ZMYM2: variants seen among roughly 807,000 people sequenced by gnomAD.
The protein encoded by ZMYM2 is zinc finger MYM-type containing 2, also known as zinc finger MYM-type protein 2.
A neutral mutation model predicts 162.8 loss-of-function variants in ZMYM2; 56 were observed. That is an observed-to-expected ratio of 0.34 (90% confidence interval 0.28 to 0.43). The LOEUF is 0.43. Ranked by LOEUF, ZMYM2 falls within the 20% of genes least tolerant of loss-of-function variation. The pLI, the probability that ZMYM2 is intolerant of heterozygous loss-of-function variation, is 1.00. For synonymous variants in ZMYM2, 510 were observed against 541.6 expected, an observed-to-expected ratio of 0.94 and a Z score of 0.81; for missense variants, 1,275 against 1,621.8, an observed-to-expected ratio of 0.79 and a Z score of 3.67.
chr13:19,883,409 T>C, the ZMYM2 span, among the ~76,000 whole-genome samples: 2 of 152,206 alleles, frequency 1.3e-5, no homozygotes. Flanking sequence ...AATTTCACCT[T>C]AATTTTTTTA....
chr13:20,059,422 C>T (rs922291183), intron 15 of ZMYM2, 25 bp from the exon 16 acceptor site: 5 of 1,611,062 alleles, frequency 3.1e-6, no homozygotes, highest in East Asian at 2.2e-5. Flanking sequence ...TAACATTGCT[C>T]CTTAAATATG....
At chr13:19,979,397 G>T (rs1446170026) in intron 2 of ZMYM2, among the ~76,000 whole-genome samples, 2 of 150,562 alleles carry the variant, frequency 1.3e-5, no homozygotes, top group African/African-American at 4.9e-5. Context: ...ACTTGTTGAG[G>T]GATAGAGCTG....
At chr13:19,976,261 G>A (rs1956777971) in intron 2 of ZMYM2, among the ~76,000 whole-genome samples, 1 of 151,602 alleles carries the variant, frequency 6.6e-6, no homozygotes, top group Non-Finnish European at 1.5e-5. Context: ...CTGGGAGGCA[G>A]AGGTTGCAGT....
chr13:19,891,647 A>G, the ZMYM2 span, among the ~76,000 whole-genome samples: 2 of 150,444 alleles, frequency 1.3e-5, no homozygotes, highest in African/African-American at 4.9e-5. Flanking sequence ...GCATGGTGGC[A>G]TGTACCTGTA....
chr13:19,888,177 C>G, the ZMYM2 span, among the ~76,000 whole-genome samples: 1 of 151,694 alleles, frequency 6.6e-6, no homozygotes, highest in Non-Finnish European at 1.5e-5. Context: ...TCGCGCCTGG[C>G]TAAATTATAG....
chr13:19,884,071 C>A, the ZMYM2 span, among the ~76,000 whole-genome samples: 15 of 152,260 alleles, frequency 9.9e-5, no homozygotes, highest in Non-Finnish European at 2.2e-4. Flanking sequence ...ATATAAAATT[C>A]TTTAAAAGTT....
At chr13:19,885,780 G>C in the ZMYM2 span, among the ~76,000 whole-genome samples, 36 of 150,608 alleles carry the variant, frequency 2.4e-4, 1 homozygote, top group African/African-American at 8.8e-4. Flanking sequence ...CCAGGAGGCA[G>C]AGGTTGCAGT....
upstream of ZMYM2, among the ~76,000 whole-genome samples, chr13:19,957,943 AT>A (rs925279313): frequency 8.5e-5 from 13 of 152,308 alleles, no homozygotes; most frequent in Middle Eastern, 6.8e-3. Flanking sequence ...CCTTGGCCGA[AT>A]GGCAGAGTCC....
chr13:19,924,032 ATCTC>A, the ZMYM2 span, among the ~76,000 whole-genome samples: 1 of 151,408 alleles, frequency 6.6e-6, no homozygotes, highest in South Asian at 2.1e-4. Flanking sequence ...GACCTTAATC[ATCTC>A]TCTCTCTCTC....
intron 2 of ZMYM2, among the ~76,000 whole-genome samples, chr13:19,970,388 C>T (rs1956193603): frequency 6.6e-6 from 1 of 151,900 alleles, no homozygotes; most frequent in Non-Finnish European, 1.5e-5. Flanking sequence ...TGTAATTACG[C>T]AGATGAATAT....
chr13:19,906,375 A>G, the ZMYM2 span, among the ~76,000 whole-genome samples: 14 of 141,598 alleles, frequency 9.9e-5, no homozygotes, highest in African/African-American at 2.1e-4. Context: ...GTATATATAT[A>G]TGTGTATATA....
At chr13:19,953,458 G>A in the ZMYM2 span, among the ~76,000 whole-genome samples, 6 of 152,094 alleles carry the variant, frequency 3.9e-5, no homozygotes, top group Non-Finnish European at 8.8e-5. Context: ...GCTGAGGCGG[G>A]TGGATCACGA....
chr13:20,070,021 A>T (rs1292710983), intron 21 of ZMYM2, among the ~76,000 whole-genome samples: 1 of 151,980 alleles, frequency 6.6e-6, no homozygotes, highest in Admixed American at 6.6e-5. Context: ...CATCTTAAGC[A>T]TAATTTCTTC....
chr13:19,963,626 T>G (rs906622748), intron 2 of ZMYM2, among the ~76,000 whole-genome samples: 3 of 152,080 alleles, frequency 2.0e-5, no homozygotes, highest in Non-Finnish European at 4.4e-5. Flanking sequence ...ATGAAAAGGG[T>G]CTTTATGGTC....
At chr13:19,914,783 T>G in the ZMYM2 span, among the ~76,000 whole-genome samples, 1 of 152,266 alleles carries the variant, frequency 6.6e-6, no homozygotes, top group South Asian at 2.1e-4. Context: ...TCACTGGTCT[T>G]ATGGTGTTCT....
At chr13:19,908,823 C>G in the ZMYM2 span, among the ~76,000 whole-genome samples, 2 of 152,182 alleles carry the variant, frequency 1.3e-5, no homozygotes, top group Admixed American at 6.6e-5. Context: ...TGTCATGTAG[C>G]CTCTGAGTAA....
chr13:19,981,137 C>T (rs951856943), intron 2 of ZMYM2, among the ~76,000 whole-genome samples: 13 of 151,844 alleles, frequency 8.6e-5, no homozygotes, highest in Admixed American at 2.6e-4. Flanking sequence ...CTAGGCATGG[C>T]GGCACATTCC....
the ZMYM2 span, among the ~76,000 whole-genome samples, chr13:19,931,445 G>A: frequency 6.6e-6 from 1 of 151,960 alleles, no homozygotes; most frequent in African/African-American, 2.4e-5. Flanking sequence ...GGATTTCACC[G>A]TCCTAAAAAT....
At chr13:19,909,676 G>A in the ZMYM2 span, among the ~76,000 whole-genome samples, 2 of 151,818 alleles carry the variant, frequency 1.3e-5, no homozygotes, top group African/African-American at 2.4e-5. Context: ...CAGGTGATCC[G>A]CCTGCCTTGG....
Sources: allele counts gnomAD v4.1 joint callset (sites outside exome capture counted in the v4.1 genomes callset), GRCh38; gene constraint gnomAD v4.1.1; transcripts MANE v1.5; gene names NCBI Gene and HGNC (gene_info 2026-07-23, HGNC 2026-07-21).